PRKG1: variants seen among roughly 807,000 people sequenced by gnomAD.
PRKG1 encodes the protein cGMP-dependent protein kinase 1.
PRKG1 carries 35 observed loss-of-function variants against 88.1 expected under a neutral mutation model. The observed-to-expected ratio is 0.40, with a 90% CI of 0.30 to 0.53. PRKG1 has a LOEUF of 0.53. PRKG1 is among the 20% of genes least tolerant of loss of function. PRKG1 has a pLI of 0.59. For synonymous variants in PRKG1, 303 were observed against 292.5 expected, an observed-to-expected ratio of 1.04 and a Z score of -0.37; for missense variants, 540 against 839.8, an observed-to-expected ratio of 0.64 and a Z score of 4.41.
intron 9 of PRKG1, among the ~76,000 whole-genome samples, chr10:52,228,535 T>C (rs1393843391): frequency 6.6e-6 from 1 of 152,202 alleles, no homozygotes; most frequent in African/African-American, 2.4e-5. Flanking sequence ...TCGCAGTGGT[T>C]CTTAATGCTC....
At chr10:51,119,932 A>C (rs556885326) in intron 1 of PRKG1, among the ~76,000 whole-genome samples, 22 of 152,272 alleles carry the variant, frequency 1.4e-4, no homozygotes, top group Non-Finnish European at 2.2e-4. Flanking sequence ...GAGAAGAAAC[A>C]GTGATCATGA....
intron 2 of PRKG1, among the ~76,000 whole-genome samples, chr10:51,447,417 G>T (rs905159675): frequency 6.6e-6 from 1 of 152,038 alleles, no homozygotes; most frequent in African/African-American, 2.4e-5. Context: ...TAGCATTCTT[G>T]CGAGTTTAGC....
At chr10:51,581,942 A>G (rs543326918) in intron 3 of PRKG1, among the ~76,000 whole-genome samples, 2 of 152,154 alleles carry the variant, frequency 1.3e-5, no homozygotes, top group African/African-American at 2.4e-5. Context: ...ATTAAAAAAA[A>G]AAATGGGCTG....
At chr10:51,076,479 G>A (rs986713202) in intron 1 of PRKG1, among the ~76,000 whole-genome samples, 3 of 152,202 alleles carry the variant, frequency 2.0e-5, no homozygotes, top group Non-Finnish European at 2.9e-5. Context: ...CTCAAAGACA[G>A]CTCTCTGCAT....
chr10:51,018,283 T>C (rs144530643), intron 1 of PRKG1, among the ~76,000 whole-genome samples: 1,746 of 152,250 alleles, frequency 0.011, 14 homozygotes, highest in Non-Finnish European at 0.02. Context: ...ACATTAAAAG[T>C]GTCATTTTCT....
At chr10:51,684,316 T>A (rs1208118081) in intron 3 of PRKG1, among the ~76,000 whole-genome samples, 5 of 152,204 alleles carry the variant, frequency 3.3e-5, no homozygotes, top group Non-Finnish European at 7.3e-5. Flanking sequence ...GAACAGTGGT[T>A]GCCTAAGGCT....
rs535591698 is a variant in PRKG1 at position 51,263,549 on chromosome 10, T to A, written c.478+110219T>A. Among the ~76,000 whole-genome samples the A allele has an allele frequency of 1.1e-4, 17 of 151,630 alleles. No homozygotes were observed. The South Asian group carries it at 3.3e-3, about 30-fold the overall frequency. On this transcript the variant is annotated intron_variant, in intron 2 of 17. Transcript: ENST00000373980. ...GTATTACTTATAGAACTGCTTTTATTATGGAAACACTGTAAACAAAAACAA... is the reference window on the plus strand; with the variant it reads ...GTATTACTTATAGAACTGCTTTTATAATGGAAACACTGTAAACAAAAACAA...
chr10:51,816,571 G>GTGTGTGTGT (rs1484332009), intron 4 of PRKG1, among the ~76,000 whole-genome samples: 1 of 151,116 alleles, frequency 6.6e-6, no homozygotes, highest in African/African-American at 2.4e-5. Flanking sequence ...GTGTGTGTGT[G>GTGTGTGTGT]TAATCATCCA....
At chr10:51,040,776 A>T (rs1843410749) in intron 1 of PRKG1, among the ~76,000 whole-genome samples, 1 of 152,114 alleles carries the variant, frequency 6.6e-6, no homozygotes, top group Admixed American at 6.5e-5. Flanking sequence ...GGCATATAGA[A>T]ATGCTACTGA....
rs775844793 is a variant in PRKG1, at chr10:51,074,556, G to A, written c.-35G>A. 8 of 1,588,928 alleles carry A rather than the reference G, an allele frequency of 5.0e-6. No homozygotes were observed. Among genetic ancestry groups the A allele is most frequent in the Non-Finnish European group, 6.9e-6 (8 of 1,165,106 alleles). The stretch of plus-strand genomic sequence containing the variant: ...GGAGGAAGCCTCAAGACGCGGAGCA[G>A]CGGCAGGAAGGAGCCCCCGGCAGCC... On this transcript the variant is annotated 5_prime_UTR_variant, in exon 1 of 18. Transcript: ENST00000373980.
At chr10:51,253,761 T>C (rs144917414) in intron 2 of PRKG1, among the ~76,000 whole-genome samples, 4 of 152,096 alleles carry the variant, frequency 2.6e-5, no homozygotes, top group Admixed American at 6.6e-5. Context: ...CCCATCAGGA[T>C]GGAAAGACTT....
In PRKG1 at chr10:51,906,492, C is replaced by G. The variant is rs191185679; in HGVS notation, c.699-1015C>G. Among the ~76,000 whole-genome samples, 200 of 152,130 alleles carry G rather than the reference C, an allele frequency of 1.3e-3. 1 individual carries two copies. Among genetic ancestry groups the G allele is most frequent in the African/African-American group, 4.7e-3 (193 of 41,496 alleles). ...TATATATTGGTTTGGTCTGGAAAGG[C>G]GAGAAACTCAAAGTGGGAGCTTCTA... is the stretch of plus-strand genomic sequence containing the variant. On this transcript the variant is annotated intron_variant, in intron 4 of 17. Transcript: ENST00000373980.
At chr10:52,189,432 A>G (rs1278141540) in intron 9 of PRKG1, among the ~76,000 whole-genome samples, 1 of 152,140 alleles carries the variant, frequency 6.6e-6, no homozygotes, top group Admixed American at 6.5e-5. Context: ...ACCTGGACAC[A>G]AAGCAGGAAG....
At chr10:51,121,804 T>C (rs1241074937) in intron 1 of PRKG1, among the ~76,000 whole-genome samples, 1 of 152,178 alleles carries the variant, frequency 6.6e-6, no homozygotes, top group African/African-American at 2.4e-5. Flanking sequence ...TAACTGTTCG[T>C]TGGATTCGTG....
chr10:52,291,574 G>C (rs1421742077), intron 17 of PRKG1, among the ~76,000 whole-genome samples: 1 of 151,922 alleles, frequency 6.6e-6, no homozygotes, highest in Non-Finnish European at 1.5e-5. Flanking sequence ...CCCTACAAAG[G>C]ACATGAACTC....
At chr10:51,586,351 A>C (rs1838172754) in intron 3 of PRKG1, among the ~76,000 whole-genome samples, 2 of 152,160 alleles carry the variant, frequency 1.3e-5, no homozygotes, top group South Asian at 4.1e-4. Flanking sequence ...AAACTTGGAC[A>C]CCACTGTAGC....
chr10:51,863,526 G>A (rs1269718348), intron 4 of PRKG1, among the ~76,000 whole-genome samples: 3 of 152,094 alleles, frequency 2.0e-5, no homozygotes, highest in Admixed American at 1.3e-4. Context: ...TGGTATGAAT[G>A]TGTCCCCCCA....
chr10:51,396,787 T>A (rs529786280), intron 2 of PRKG1, among the ~76,000 whole-genome samples: 8 of 152,378 alleles, frequency 5.3e-5, no homozygotes, highest in African/African-American at 1.9e-4. Context: ...ACAATAACAT[T>A]TTGAACTGTT....
chr10:51,950,071 C>T (rs1843147771), intron 5 of PRKG1, among the ~76,000 whole-genome samples: 1 of 152,096 alleles, frequency 6.6e-6, no homozygotes, highest in African/African-American at 2.4e-5. Flanking sequence ...TTGAGTCAAG[C>T]ACAAAATAAA....
Sources: allele counts gnomAD v4.1 joint callset (sites outside exome capture counted in the v4.1 genomes callset), GRCh38; gene constraint gnomAD v4.1.1; transcripts MANE v1.5; gene names NCBI Gene and HGNC (gene_info 2026-07-23, HGNC 2026-07-21).